Variants in ITPR2 observed in about 807,000 individuals in gnomAD.
ITPR2 encodes inositol 1,4,5-trisphosphate receptor type 2.
In ITPR2, 207 loss-of-function variants were observed where a neutral mutation model predicts 317.1. The observed-to-expected ratio is 0.65, with a 90% confidence interval of 0.58 to 0.73. ITPR2 has a LOEUF of 0.73. Among genes scored for constraint, ITPR2 ranks in the 30% least tolerant of loss-of-function variants. The pLI, the probability that ITPR2 is intolerant of heterozygous loss-of-function variation, is 0.00. For missense variants in ITPR2, 2,613 were observed against 3,284.0 expected (o/e 0.80, Z 4.99); for synonymous variants, 1,156 against 1,149.1 (o/e 1.01, Z -0.12).
chr12:26,668,601 A>G (rs931272367), intron 13 of ITPR2, among the ~76,000 whole-genome samples: 2 of 152,258 alleles, frequency 1.3e-5, no homozygotes, highest in African/African-American at 2.4e-5. Context: ...TCCAAAGCAC[A>G]TAAGGAAAGC....
At chr12:26,361,168 T>C (rs1220340498) in intron 55 of ITPR2, among the ~76,000 whole-genome samples, 2 of 149,758 alleles carry the variant, frequency 1.3e-5, no homozygotes, top group African/African-American at 5.0e-5. Flanking sequence ...TGAGCCGAGA[T>C]GGCACCACTG....
rs141940217 is a variant in ITPR2, at chr12:26,773,628, T to C, written c.163+16529A>G. Among the ~76,000 whole-genome samples, 7 of 152,350 alleles carry C rather than the reference T, an allele frequency of 4.6e-5. No homozygotes were observed. In the East Asian group the frequency reaches 1.2e-3, roughly 25 times the overall value. On this transcript the variant is annotated intron_variant, in intron 2 of 56. Transcript: ENST00000381340. ...CATAACTCAGAGACACAATTAATTG[T>C]GTGAGTGCTGCCTTAAACAGTGGTT... is the stretch of plus-strand genomic sequence containing the variant.
intron 45 of ITPR2, among the ~76,000 whole-genome samples, chr12:26,462,395 G>C (rs1181483828): frequency 1.3e-5 from 2 of 152,184 alleles, no homozygotes; most frequent in African/African-American, 4.8e-5. Flanking sequence ...GGTAAAAATA[G>C]TAGAGATGTT....
chr12:26,567,987 TATATATATATTATATATATTATA>T (rs1565609627), intron 34 of ITPR2, among the ~76,000 whole-genome samples: 926 of 17,594 alleles, frequency 0.053, 49 homozygotes, highest in Non-Finnish European at 0.11. Flanking sequence ...ATTATATATA[TATATATATATTATATATATTATA>T]TATATATATA....
At chr12:26,680,453 C>T (rs1948007212) in intron 13 of ITPR2, among the ~76,000 whole-genome samples, 1 of 152,094 alleles carries the variant, frequency 6.6e-6, no homozygotes, top group Non-Finnish European at 1.5e-5. Context: ...CAACAGCTTA[C>T]ACTGTTTTTT....
At chr12:26,712,634 TAC>T (rs67872654) in intron 8 of ITPR2, among the ~76,000 whole-genome samples, 19,568 of 148,692 alleles carry the variant, frequency 0.13, 1,320 homozygotes, top group South Asian at 0.25. Flanking sequence ...TTGTCTCAAA[TAC>T]ACACACACAC....
chr12:26,548,052 T>C (rs1398098066), intron 37 of ITPR2, among the ~76,000 whole-genome samples: 1 of 152,216 alleles, frequency 6.6e-6, no homozygotes. Context: ...TCTCTGGGAC[T>C]CTGTGGCATC....
chr12:26,735,564 C>T (rs1949107191), intron 2 of ITPR2, among the ~76,000 whole-genome samples: 1 of 152,186 alleles, frequency 6.6e-6, no homozygotes, highest in Non-Finnish European at 1.5e-5. Flanking sequence ...TTTCAAGAAA[C>T]TTCTGTTTCT....
intron 48 of ITPR2, 76 bp from the exon 49 acceptor site, chr12:26,428,164 A>G (rs979553357): frequency 1.8e-6 from 2 of 1,097,260 alleles, no homozygotes; most frequent in Non-Finnish European, 2.5e-6. Flanking sequence ...GCTCTACTTT[A>G]TATGGTATCA....
intron 9 of ITPR2, among the ~76,000 whole-genome samples, chr12:26,697,766 C>T (rs1948378417): frequency 6.6e-6 from 1 of 151,848 alleles, no homozygotes; most frequent in Non-Finnish European, 1.5e-5. Flanking sequence ...GCACTCCAGC[C>T]TGGATGACGA....
At chr12:26,415,588 G>A in intron 50 of ITPR2, 90 bp from the exon 51 acceptor site, 1 of 881,668 alleles carries the variant, frequency 1.1e-6, no homozygotes, top group Non-Finnish European at 1.7e-6. Flanking sequence ...ACAAATGCAA[G>A]CCATTCTAGT....
At chr12:26,484,137 GTGTGTATA>G (rs1942607104) in intron 41 of ITPR2, among the ~76,000 whole-genome samples, 1 of 137,700 alleles carries the variant, frequency 7.3e-6, no homozygotes, top group Non-Finnish European at 1.7e-5. Flanking sequence ...GTGTGTATAT[GTGTGTATA>G]TATGTATATA....
Position 26,832,573 on chromosome 12 carries a change from C to T in ITPR2, c.92+117G>A, listed in dbSNP as rs1951133222. On this transcript the variant is annotated intron_variant, in intron 1 of 56. Coordinates refer to ENST00000381340, the MANE Select transcript of ITPR2 (RefSeq NM_002223.4). ...CACGGCGCTGTCCGCGGGCGCCGAC[C>T]CTGCCCGGCCGGGCCACCACGCGCG... The T allele has an allele frequency of 5.9e-6, 4 of 683,082 alleles. No homozygotes were observed. The South Asian group carries it at 8.4e-5, about 14-fold the overall frequency. 42.3% of individuals were successfully genotyped at this position (683,082 alleles called of 1,614,324 possible).
chr12:26,613,581 C>T, intron 26 of ITPR2, among the ~76,000 whole-genome samples: 1 of 151,810 alleles, frequency 6.6e-6, no homozygotes, highest in East Asian at 1.9e-4. Flanking sequence ...CACACACACA[C>T]ACACACACGG....
intron 26 of ITPR2, among the ~76,000 whole-genome samples, chr12:26,608,249 C>T (rs573932089): frequency 1.3e-5 from 2 of 152,326 alleles, no homozygotes; most frequent in African/African-American, 4.8e-5. Flanking sequence ...ATCTGCATCT[C>T]TGATAATACA....
At chr12:26,832,661 G>C (rs770055421) in intron 1 of ITPR2, 29 bp downstream of exon 1, 2 of 1,539,002 alleles carry the variant, frequency 1.3e-6, no homozygotes, top group East Asian at 5.0e-5. Flanking sequence ...CGGAGCGCGA[G>C]CGCTGCCCAG....
chr12:26,415,522 A>G, intron 50 of ITPR2, 24 bp from the exon 51 acceptor site: 2 of 1,448,510 alleles, frequency 1.4e-6, no homozygotes, highest in African/African-American at 2.9e-5. Context: ...GAAAACACTA[A>G]TAAGAAAAGA....
intron 21 of ITPR2, among the ~76,000 whole-genome samples, chr12:26,646,333 A>C (rs1387662712): frequency 6.6e-6 from 1 of 152,096 alleles, no homozygotes; most frequent in Non-Finnish European, 1.5e-5. Context: ...CAATATTTAA[A>C]AATGTTTCTG....
chr12:26,701,479 A>G (rs2137002315), intron 9 of ITPR2, among the ~76,000 whole-genome samples: 1 of 152,346 alleles, frequency 6.6e-6, no homozygotes, highest in Non-Finnish European at 1.5e-5. Context: ...AAAAGAAAGG[A>G]GAGAAAATAA....
Sources: gnomAD v4.1 joint callset for allele counts (sites outside exome capture counted in the v4.1 genomes callset) on GRCh38, gnomAD v4.1.1 for gene constraint, MANE v1.5 for transcripts, NCBI Gene and HGNC (gene_info 2026-07-23, HGNC 2026-07-21) for gene names.